Variants in PCDH9 observed in about 807,000 individuals in gnomAD.
PCDH9 encodes protocadherin-9.
A neutral mutation model predicts 70.6 loss-of-function variants in PCDH9; 24 were observed. The observed-to-expected ratio is 0.34, with a 90% CI of 0.25 to 0.48. The LOEUF (loss-of-function observed/expected upper bound fraction) is 0.48. Among genes scored for constraint, PCDH9 ranks in the 20% least tolerant of loss-of-function variants. The probability of loss-of-function intolerance (pLI) is 0.99; values close to 1 mark genes in which losing one functional copy is unlikely to be tolerated. For missense variants in PCDH9, 1,281 were observed against 1,503.6 expected (o/e 0.85, Z 2.45); for synonymous variants, 562 against 558.5 (o/e 1.01, Z -0.09).
At chr13:66,834,254 C>T (rs1009987152) in intron 3 of PCDH9, among the ~76,000 whole-genome samples, 4 of 150,294 alleles carry the variant, frequency 2.7e-5, no homozygotes, top group African/African-American at 9.8e-5. Context: ...GTCCCCCGAG[C>T]TCAAGCAATT....
At chr13:66,359,200 A>G (rs1457857870) in intron 4 of PCDH9, among the ~76,000 whole-genome samples, 1 of 152,078 alleles carries the variant, frequency 6.6e-6, no homozygotes, top group Non-Finnish European at 1.5e-5. Context: ...AACACTAGAA[A>G]GTCATTACAT....
At chr13:66,518,927 G>C (rs1959867130) in intron 4 of PCDH9, among the ~76,000 whole-genome samples, 1 of 152,134 alleles carries the variant, frequency 6.6e-6, no homozygotes, top group South Asian at 2.1e-4. Flanking sequence ...GGGCATAATA[G>C]TACAAGATAT....
chr13:66,336,138 T>A (rs1476648426), intron 4 of PCDH9, among the ~76,000 whole-genome samples: 1 of 152,100 alleles, frequency 6.6e-6, no homozygotes, highest in East Asian at 1.9e-4. Flanking sequence ...ATCCACTCCC[T>A]ATGCACAGGA....
At chr13:66,858,969 T>G (rs1566246094) in intron 3 of PCDH9, 1 of 152,202 alleles carries the variant, frequency 6.6e-6, no homozygotes, top group Non-Finnish European at 1.5e-5. Flanking sequence ...ACTACATAGT[T>G]TTATTTAATA....
chr13:66,824,206 A>G (rs1177703909), intron 3 of PCDH9, among the ~76,000 whole-genome samples: 3 of 150,994 alleles, frequency 2.0e-5, no homozygotes, highest in Admixed American at 1.3e-4. Context: ...ACTTGTCTTA[A>G]CTAATATATT....
At chr13:66,922,202 A>T (rs1469835176) in intron 2 of PCDH9, among the ~76,000 whole-genome samples, 2 of 151,396 alleles carry the variant, frequency 1.3e-5, no homozygotes, top group East Asian at 3.9e-4. Context: ...TGTGGGAAAC[A>T]AGTATAATAC....
At chr13:66,995,473 A>C (rs2139807922) in intron 2 of PCDH9, among the ~76,000 whole-genome samples, 1 of 152,316 alleles carries the variant, frequency 6.6e-6, no homozygotes, top group Admixed American at 6.5e-5. Flanking sequence ...ACTAAGGGAA[A>C]AAAACAACAG....
rs528194270 is a variant in PCDH9, at chr13:66,912,462, T to C, written c.3037-8857A>G. ...AGCGATGGGCTCTCCAGGCAGAAAA[T>C]ATTCTCCTTCTATACAAAGGTGGCC... On this transcript the variant is annotated intron_variant, in intron 2 of 4. Coordinates refer to ENST00000377865, the MANE Select transcript of PCDH9 (RefSeq NM_203487.3). Among the ~76,000 whole-genome samples, 21 of 151,920 alleles carry C rather than the reference T, an allele frequency of 1.4e-4. 1 individual carries two copies. The East Asian group carries it at 3.7e-3, about 27-fold the overall frequency.
At chr13:66,716,697 A>G (rs905010902) in intron 3 of PCDH9, among the ~76,000 whole-genome samples, 7 of 152,152 alleles carry the variant, frequency 4.6e-5, no homozygotes, top group Admixed American at 1.3e-4. Flanking sequence ...TCTCCTGATT[A>G]TAAAATTTCT....
In PCDH9 at chr13:66,447,822, T is replaced by C. The variant is rs1381757175; in HGVS notation, c.3341-142794A>G. Among the ~76,000 whole-genome samples the C allele has an allele frequency of 2.0e-5, 3 of 152,180 alleles. No homozygotes were observed. In the East Asian group the frequency reaches 5.8e-4, roughly 29 times the overall value. ...TTGCAAGGGGAAAGTAAAACATAATTAGATTATTATCTTGAATGTATCTTT... is the reference window on the plus strand; with the variant it reads ...TTGCAAGGGGAAAGTAAAACATAATCAGATTATTATCTTGAATGTATCTTT... On this transcript the variant is annotated intron_variant, in intron 4 of 4. Coordinates refer to ENST00000377865, the MANE Select transcript of PCDH9 (RefSeq NM_203487.3).
At chr13:66,867,237 T>C (rs2081592588) in intron 3 of PCDH9, among the ~76,000 whole-genome samples, 2 of 152,188 alleles carry the variant, frequency 1.3e-5, no homozygotes, top group South Asian at 4.1e-4. Context: ...AATCCCATTA[T>C]ACTATTTCCC....
chr13:67,044,046 A>G (rs2085175015), intron 2 of PCDH9, among the ~76,000 whole-genome samples: 3 of 152,098 alleles, frequency 2.0e-5, no homozygotes, highest in Admixed American at 2.0e-4. Context: ...TAATAAGATT[A>G]ACTCATTTTA....
At chr13:66,702,760 G>A (rs1358282942) in intron 3 of PCDH9, among the ~76,000 whole-genome samples, 4 of 152,112 alleles carry the variant, frequency 2.6e-5, no homozygotes, top group African/African-American at 9.7e-5. Flanking sequence ...ATATATCAAT[G>A]TGCTATGAAT....
intron 4 of PCDH9, among the ~76,000 whole-genome samples, chr13:66,578,248 C>G (rs964514576): frequency 6.6e-6 from 1 of 152,060 alleles, no homozygotes; most frequent in African/African-American, 2.4e-5. Flanking sequence ...ATATTATCTT[C>G]CTATTTGAAT....
intron 2 of PCDH9, among the ~76,000 whole-genome samples, chr13:66,970,499 G>A (rs1235794472): frequency 6.6e-6 from 1 of 151,380 alleles, no homozygotes; most frequent in Non-Finnish European, 1.5e-5. Flanking sequence ...AATCAATCAG[G>A]TGTAGTGATG....
At chr13:66,985,018 T>G (rs999673809) in intron 2 of PCDH9, among the ~76,000 whole-genome samples, 1 of 152,092 alleles carries the variant, frequency 6.6e-6, no homozygotes, top group African/African-American at 2.4e-5. Context: ...TATTTCTGCC[T>G]AATAAACTCC....
In PCDH9 at chr13:67,199,420, AT is replaced by A. The variant is rs78652051; in HGVS notation, c.3036+25984del. 9.8e-3 allele frequency among the ~76,000 whole-genome samples: 1,493 copies of A among 152,048 alleles called. 84 individuals are homozygous for A. In the East Asian group the frequency reaches 0.18, roughly 18 times the overall value. ...TTGCTTCTAAAATGACCAATAATAC[AT>A]ATTTAATTAGTATGTATCAGAATAT... is the stretch of plus-strand genomic sequence containing the variant. On this transcript the variant is annotated intron_variant, in intron 2 of 4. Transcript: ENST00000377865.
At chr13:66,782,201 A>G (rs535253969) in intron 3 of PCDH9, among the ~76,000 whole-genome samples, 2 of 152,302 alleles carry the variant, frequency 1.3e-5, no homozygotes, top group East Asian at 3.9e-4. Flanking sequence ...GATGAAATGA[A>G]AAAATCCTTA....
intron 2 of PCDH9, among the ~76,000 whole-genome samples, chr13:66,915,224 T>A (rs2082538209): frequency 6.6e-6 from 1 of 151,674 alleles, no homozygotes; most frequent in Non-Finnish European, 1.5e-5. Flanking sequence ...GGAAAAGCAA[T>A]ATATACATTC....
Sources: allele counts gnomAD v4.1 joint callset (sites outside exome capture counted in the v4.1 genomes callset), GRCh38; gene constraint gnomAD v4.1.1; transcripts MANE v1.5; gene names NCBI Gene and HGNC (gene_info 2026-07-23, HGNC 2026-07-21).